Variants in SPAG16 observed in about 807,000 individuals in gnomAD.
SPAG16 encodes the protein sperm-associated antigen 16 protein.
In SPAG16, 86 loss-of-function variants were observed where a neutral mutation model predicts 80.4. The observed-to-expected ratio is 1.07, with a 90% confidence interval of 0.90 to 1.28. The LOEUF is 1.28. Ranked by LOEUF, SPAG16 falls within the 50% of genes most tolerant of loss-of-function variation. The pLI is 0.00. For synonymous variants in SPAG16, 294 were observed against 265.9 expected, an observed-to-expected ratio of 1.11 and a Z score of -1.03; for missense variants, 870 against 765.3, an observed-to-expected ratio of 1.14 and a Z score of -1.61.
intron 13 of SPAG16, among the ~76,000 whole-genome samples, chr2:214,092,281 T>A (rs983833493): frequency 7.2e-5 from 11 of 152,078 alleles, no homozygotes; most frequent in Non-Finnish European, 1.5e-5. Flanking sequence ...AAATTGCTTT[T>A]CCAAAAGGCT....
chr2:213,491,540 C>G (rs1053757535), intron 10 of SPAG16, among the ~76,000 whole-genome samples: 1 of 152,200 alleles, frequency 6.6e-6, no homozygotes, highest in Non-Finnish European at 1.5e-5. Flanking sequence ...GGACTCTTTA[C>G]AATCATGAAC....
chr2:214,225,204 G>A (rs891721490), intron 15 of SPAG16, among the ~76,000 whole-genome samples: 2 of 152,212 alleles, frequency 1.3e-5, no homozygotes, highest in Non-Finnish European at 2.9e-5. Context: ...TGGACAAAAT[G>A]TAGAGATGCG....
intron 10 of SPAG16, among the ~76,000 whole-genome samples, chr2:213,786,604 A>T (rs1056756521): frequency 4.6e-5 from 7 of 152,304 alleles, no homozygotes; most frequent in East Asian, 1.9e-4. Flanking sequence ...TGGTATGACA[A>T]ACACTTTGTG....
intron 10 of SPAG16, among the ~76,000 whole-genome samples, chr2:213,719,327 C>A (rs896897180): frequency 6.6e-6 from 1 of 151,942 alleles, no homozygotes; most frequent in Non-Finnish European, 1.5e-5. Flanking sequence ...TTTGTAAACA[C>A]ACCAATCAGC....
chr2:214,133,398 G>A (rs907277251), intron 14 of SPAG16, among the ~76,000 whole-genome samples: 1 of 152,022 alleles, frequency 6.6e-6, no homozygotes, highest in Non-Finnish European at 1.5e-5. Context: ...GGGTGTGGTG[G>A]CTTACGCCTG....
intron 10 of SPAG16, among the ~76,000 whole-genome samples, chr2:213,767,537 G>C (rs2069001280): frequency 6.6e-6 from 1 of 152,064 alleles, no homozygotes; most frequent in Admixed American, 6.6e-5. Context: ...AGGCGGTTGA[G>C]AGGTCGCTTG....
chr2:214,051,488 A>G (rs1459780812), intron 13 of SPAG16, among the ~76,000 whole-genome samples: 1 of 151,974 alleles, frequency 6.6e-6, no homozygotes, highest in Non-Finnish European at 1.5e-5. Flanking sequence ...TTGATTTGCT[A>G]TTTTCCTCCC....
intron 10 of SPAG16, among the ~76,000 whole-genome samples, chr2:213,498,216 A>T (rs2074580192): frequency 6.6e-6 from 1 of 152,168 alleles, no homozygotes; most frequent in Non-Finnish European, 1.5e-5. Flanking sequence ...TAATGGCAGT[A>T]GTAATTGCCA....
chr2:214,383,343 C>T (rs558029140), intron 15 of SPAG16, among the ~76,000 whole-genome samples: 2 of 152,112 alleles, frequency 1.3e-5, no homozygotes, highest in East Asian at 1.9e-4. Context: ...TAGGCTGTGG[C>T]AGGCAGATCA....
intron 10 of SPAG16, among the ~76,000 whole-genome samples, chr2:213,805,737 A>G (rs1303317902): frequency 1.3e-5 from 2 of 152,212 alleles, no homozygotes; most frequent in Non-Finnish European, 2.9e-5. Context: ...ATAACCTTTC[A>G]AATTTCTTAA....
At chr2:214,173,115 G>A (rs1176352672) in intron 15 of SPAG16, among the ~76,000 whole-genome samples, 1 of 152,064 alleles carries the variant, frequency 6.6e-6, no homozygotes, top group African/African-American at 2.4e-5. Context: ...GATCCCATTT[G>A]TCAATTTTGG....
intron 10 of SPAG16, among the ~76,000 whole-genome samples, chr2:213,493,606 C>T (rs757376819): frequency 3.3e-5 from 5 of 152,076 alleles, no homozygotes; most frequent in African/African-American, 9.7e-5. Flanking sequence ...GATGGAGTCT[C>T]GCTCTCTTGC....
At chr2:213,487,950 G>T (rs2074059235) in intron 9 of SPAG16, among the ~76,000 whole-genome samples, 1 of 151,790 alleles carries the variant, frequency 6.6e-6, no homozygotes, top group Non-Finnish European at 1.5e-5. Context: ...ATGAAGTAAA[G>T]CAAATAAATA....
intron 9 of SPAG16, among the ~76,000 whole-genome samples, chr2:213,444,348 T>C (rs762209646): frequency 6.6e-6 from 1 of 152,182 alleles, no homozygotes; most frequent in Non-Finnish European, 1.5e-5. Flanking sequence ...AGATATTTTA[T>C]CAGTTTCCCA....
chr2:213,958,414 G>A (rs1380116520), intron 12 of SPAG16, among the ~76,000 whole-genome samples: 5 of 152,098 alleles, frequency 3.3e-5, no homozygotes, highest in Non-Finnish European at 5.9e-5. Flanking sequence ...GAGGACTTGG[G>A]AGGAGGTAGA....
At chr2:213,491,237 C>A (rs1208846914) in intron 10 of SPAG16, among the ~76,000 whole-genome samples, 1 of 152,162 alleles carries the variant, frequency 6.6e-6, no homozygotes, top group African/African-American at 2.4e-5. Context: ...ATATGCTAGT[C>A]TTTTGATGTA....
intron 11 of SPAG16, among the ~76,000 whole-genome samples, chr2:213,865,578 AG>A (rs898007309): frequency 3.0e-4 from 45 of 151,058 alleles, no homozygotes; most frequent in African/African-American, 1.0e-3. Context: ...AAAATGCAAA[AG>A]AATAAATCAA....
chr2:214,037,680 A>T (rs911451454), intron 13 of SPAG16, among the ~76,000 whole-genome samples: 2 of 152,086 alleles, frequency 1.3e-5, no homozygotes, highest in Non-Finnish European at 2.9e-5. Flanking sequence ...TTTGCTTTAT[A>T]AAAGTGTCTA....
Position 214,391,990 on chromosome 2 carries a change from G to A in SPAG16, c.1721-18150G>A, listed in dbSNP as rs555234173. ...AACACAACGCAGAGATTTGGACCAA[G>A]AGAATTCTGTCCATCTTTCCCCTTA... On this transcript the variant is annotated intron_variant, in intron 15 of 15. Transcript: ENST00000331683. 3.5e-4 allele frequency among the ~76,000 whole-genome samples: 54 copies of A among 152,314 alleles called. 1 individual carries two copies. The highest frequency in any genetic ancestry group is 1.2e-3 in the South Asian group (6 of 4,830).
Sources: allele counts gnomAD v4.1 joint callset (sites outside exome capture counted in the v4.1 genomes callset), GRCh38; gene constraint gnomAD v4.1.1; transcripts MANE v1.5; gene names NCBI Gene and HGNC (gene_info 2026-07-23, HGNC 2026-07-21).